PLG: variants seen among roughly 807,000 people sequenced by gnomAD.
PLG encodes plasminogen, also known as plasmin.
In PLG, 41 loss-of-function variants were observed where a neutral mutation model predicts 104.4. The observed-to-expected ratio is 0.39, with a 90% CI of 0.31 to 0.51. PLG has a LOEUF of 0.51. Ranked by LOEUF, PLG falls within the 20% of genes least tolerant of loss-of-function variation. PLG has a pLI of 0.76. For synonymous variants in PLG, 337 were observed against 357.1 expected, an observed-to-expected ratio of 0.94 and a Z score of 0.63; for missense variants, 891 against 1,003.6, an observed-to-expected ratio of 0.89 and a Z score of 1.52.
Position 160,752,172 on chromosome 6 carries a change from T to A in PLG, c.2183T>A (p.Val728Glu), listed in dbSNP as rs1582955358. ...EAQLPVIENK[V>E]CNRYEFLNGR... ...CAGCTCCCTGTGATTGAGAATAAAG[T>A]GTGCAATCGCTATGAGTTTCTGAAT... Residue 728 changes from valine to glutamate, a missense_variant, in exon 18 of 19, where the codon GTG becomes GAG. By Grantham distance (121) the Val-to-Glu change is moderately radical (BLOSUM62 -2). Coordinates refer to ENST00000308192, the MANE Select transcript of PLG (RefSeq NM_000301.5). The surrounding 1 kb of genome is among the most constrained non-coding windows in gnomAD (Gnocchi z 4.7). The A allele has an allele frequency of 1.2e-6, 2 of 1,612,588 alleles. No individual in the cohort carries two copies. Among genetic ancestry groups the A allele is most frequent in the Non-Finnish European group, 1.7e-6 (2 of 1,178,544 alleles).
intron 17 of PLG, among the ~76,000 whole-genome samples, chr6:160,749,544 A>G (rs1582953862): frequency 6.7e-6 from 1 of 148,868 alleles, no homozygotes; most frequent in East Asian, 2.0e-4. Flanking sequence ...CACCATCATC[A>G]CCACCATCAC....
chr6:160,703,830 A>T (rs1042131552), intron 1 of PLG, among the ~76,000 whole-genome samples: 1 of 152,222 alleles, frequency 6.6e-6, no homozygotes, highest in Non-Finnish European at 1.5e-5. Flanking sequence ...CAGGATTAAC[A>T]TATGTTTTAA....
intron 5 of PLG, 121 bp downstream of exon 5, chr6:160,713,246 A>G (rs764136927): frequency 2.8e-5 from 24 of 861,528 alleles, no homozygotes; most frequent in Non-Finnish European, 4.3e-5. Context: ...CCTCTCGGAA[A>G]GAAGCAAAAC....
rs116300398 is a variant in PLG at position 160,747,571 on chromosome 6, A to C, written c.2126-4544A>C. ...CCTCATTCAAAAACCCAGCATTTTC[A>C]AGTGGTGTTTTTCACATCAGCCTTT... On this transcript the variant is annotated intron_variant, in intron 17 of 18. Transcript: ENST00000308192. 9.3e-3 allele frequency among the ~76,000 whole-genome samples: 1,420 copies of C among 152,274 alleles called. 21 individuals carry two copies. The highest frequency in any genetic ancestry group is 0.029 in the African/African-American group (1,185 of 41,542).
chr6:160,714,000 T>C (rs1351443556), intron 5 of PLG, among the ~76,000 whole-genome samples: 2 of 152,196 alleles, frequency 1.3e-5, no homozygotes, highest in African/African-American at 4.8e-5. Flanking sequence ...GACAACTCAG[T>C]TCTCCCATCA....
chr6:160,714,642 CCAA>C lies in PLG; in HGVS notation c.548-151_548-149del. The C allele has an allele frequency of 3.7e-5, 15 of 400,320 alleles. 3 individuals carry two copies. Among genetic ancestry groups the C allele is most frequent in the Non-Finnish European group, 5.1e-5 (10 of 194,968 alleles). 24.8% of individuals were successfully genotyped at this position (400,320 alleles called of 1,614,324 possible). On this transcript the variant is annotated intron_variant, in intron 5 of 18. Coordinates refer to ENST00000308192, the MANE Select transcript of PLG (RefSeq NM_000301.5). The stretch of plus-strand genomic sequence containing the variant: ...GCTAGAAAATCCTGAGTCCTTATTG[CCAA>C]TTTTATTGCCAAGTGCCTGTTGTGA...
At chr6:160,717,890 CA>C (rs1459582200) in intron 7 of PLG, among the ~76,000 whole-genome samples, 33 of 152,312 alleles carry the variant, frequency 2.2e-4, no homozygotes, top group African/African-American at 6.7e-4. Context: ...GAGCAAAAGC[CA>C]AGACAGGCCA....
intron 4 of PLG, among the ~76,000 whole-genome samples, chr6:160,712,635 C>T (rs1343255234): frequency 6.6e-6 from 1 of 152,140 alleles, no homozygotes; most frequent in South Asian, 2.1e-4. Context: ...ATGGTATTAA[C>T]TACAAAAATT....
chr6:160,748,392 G>GAAAGAAAT (rs1778323881), intron 17 of PLG, among the ~76,000 whole-genome samples: 1 of 45,512 alleles, frequency 2.2e-5, no homozygotes, highest in African/African-American at 7.4e-5. Flanking sequence ...AAGAAAGAAA[G>GAAAGAAAT]AAAGAAAGGA....
At chr6:160,711,635 G>A in intron 4 of PLG, 2 of 1,610,522 alleles carry the variant, frequency 1.2e-6, no homozygotes, top group Non-Finnish European at 1.7e-6. Context: ...CACCATAGTA[G>A]AACATGGTTG....
chr6:160,748,376 G>T (rs898513680), intron 17 of PLG, among the ~76,000 whole-genome samples: 1 of 43,420 alleles, frequency 2.3e-5, no homozygotes. Context: ...AAGAAAGAAA[G>T]AAAGAAAGAA....
At chr6:160,749,396 C>T (rs374687825) in intron 17 of PLG, among the ~76,000 whole-genome samples, 4,435 of 151,062 alleles carry the variant, frequency 0.029, 249 homozygotes, top group African/African-American at 0.1. Flanking sequence ...ATCACTATCA[C>T]CACCACCATC....
chr6:160,724,987 C>T lies in PLG; in HGVS notation c.1256+2420C>T, dbSNP rs372730790. Among the ~76,000 whole-genome samples, 9 of 152,114 alleles carry T rather than the reference C, an allele frequency of 5.9e-5. No homozygotes were observed. The East Asian group carries it at 7.7e-4, about 13-fold the overall frequency. Reference sequence around the variant, plus strand: ...AAAGATAATTGATGGGAGGCTGAGTCGGGCAGATCATGGGGTCAGGAGTTT... The same window carrying T: ...AAAGATAATTGATGGGAGGCTGAGTTGGGCAGATCATGGGGTCAGGAGTTT... On this transcript the variant is annotated intron_variant, in intron 10 of 18. Coordinates refer to ENST00000308192, the MANE Select transcript of PLG (RefSeq NM_000301.5). This position sits in a 1 kb window ranked among gnomAD's most constrained non-coding sequence, Gnocchi z 5.0.
chr6:160,711,703 C>T (rs1469293755), intron 4 of PLG: 8 of 1,608,136 alleles, frequency 5.0e-6, no homozygotes, highest in South Asian at 4.4e-5. Flanking sequence ...TAGAAGAATG[C>T]CTAGTTTAAA....
intron 1 of PLG, among the ~76,000 whole-genome samples, chr6:160,704,070 T>C (rs545644014): frequency 1.3e-3 from 192 of 152,370 alleles, no homozygotes; most frequent in African/African-American, 4.2e-3. Flanking sequence ...TCTCACACCA[T>C]TAATAAAATA....
Position 160,711,183 on chromosome 6 carries a change from C to A in PLG, c.399C>A (p.His133Gln), listed in dbSNP as rs4252186. ...TCQKWSSTSPHRPRFSPATHP... is the reference protein window; with the variant it reads ...TCQKWSSTSPQRPRFSPATHP... ...AAAAATGGAGTTCCACTTCTCCCCACAGACCTAGGTAAGACATTCCCTTTC... is the reference window on the plus strand; with the variant it reads ...AAAAATGGAGTTCCACTTCTCCCCAAAGACCTAGGTAAGACATTCCCTTTC... Residue 133 changes from histidine to glutamine, a missense_variant, in exon 4 of 19, where the codon CAC (histidine) becomes CAA (glutamine). Physicochemically the swap from His to Gln is conservative, Grantham distance 24. This residue lies in a region of PLG where 854 missense variants were observed against 932.1 expected (regional missense o/e 0.92). Coordinates refer to ENST00000308192, the MANE Select transcript of PLG (RefSeq NM_000301.5). 4.0e-5 allele frequency: 64 copies of A among 1,613,366 alleles called. No homozygotes were observed. The highest frequency in any genetic ancestry group is 4.7e-5 in the Non-Finnish European group (56 of 1,179,318).
chr6:160,738,485 G>A lies in PLG; in HGVS notation c.1803-53G>A. ...TGTCTTTCTGGCTTTCTGTACAATG[G>A]AGCAGAACAAAGTATCAATTTAACT... On this transcript the variant is annotated intron_variant, in intron 14 of 18. Transcript: ENST00000308192. The surrounding 1 kb of genome is among the most constrained non-coding windows in gnomAD (Gnocchi z 6.8). The A allele has an allele frequency of 1.9e-6, 2 of 1,064,888 alleles. No homozygotes were observed. Among genetic ancestry groups the A allele is most frequent in the South Asian group, 1.2e-5 (1 of 80,028 alleles). The allele number at this position is 1,064,888 out of a possible 1,614,324, so 66.0% of individuals were successfully genotyped here.
At chr6:160,729,247 CAAT>C (rs1777961496) in intron 10 of PLG, among the ~76,000 whole-genome samples, 1 of 152,226 alleles carries the variant, frequency 6.6e-6, no homozygotes, top group South Asian at 2.1e-4. Flanking sequence ...GAAGACACAA[CAAT>C]AAGTGCTGTC....
chr6:160,712,956 G>A, intron 4 of PLG, 30 bp from the exon 5 acceptor site: 3 of 1,590,598 alleles, frequency 1.9e-6, no homozygotes, highest in Non-Finnish European at 2.6e-6. Flanking sequence ...TTAGAATATA[G>A]TCTAAGTGCT....
Sources: allele counts gnomAD v4.1 joint callset (sites outside exome capture counted in the v4.1 genomes callset), GRCh38; gene constraint gnomAD v4.1.1; regional missense constraint gnomAD v4.1.1; non-coding constraint Gnocchi (gnomAD v3.1); transcripts MANE v1.5; gene names NCBI Gene and HGNC (gene_info 2026-07-23, HGNC 2026-07-21).